The following ADAMTS17 variants were observed in gnomAD, a reference collection of about 807,000 sequenced individuals.
The protein encoded by ADAMTS17 is ADAM metallopeptidase with thrombospondin type 1 motif 17.
ADAMTS17 carries 113 observed loss-of-function variants against 141.5 expected under a neutral mutation model. The ratio of observed to expected loss-of-function variants is 0.80; its 90% CI spans 0.69 to 0.93. The LOEUF (loss-of-function observed/expected upper bound fraction) is 0.93. Among genes scored for constraint, ADAMTS17 ranks in the 40% least tolerant of loss-of-function variants. ADAMTS17 has a pLI of 0.00. For missense variants in ADAMTS17, 1,659 were observed against 1,517.9 expected (o/e 1.09, Z -1.54); for synonymous variants, 768 against 630.6 (o/e 1.22, Z -3.27).
chr15:100,152,446 GTC>G (rs1246202742), intron 10 of ADAMTS17, among the ~76,000 whole-genome samples, 164 bp downstream of exon 10: 1 of 152,188 alleles, frequency 6.6e-6, no homozygotes, highest in Non-Finnish European at 1.5e-5. Context: ...GTTTATGCAT[GTC>G]TCTGTATGCA....
chr15:100,020,430 T>A (rs1378558813), intron 18 of ADAMTS17, among the ~76,000 whole-genome samples: 2 of 152,164 alleles, frequency 1.3e-5, no homozygotes, highest in Non-Finnish European at 2.9e-5. Flanking sequence ...CTGAGCTGGC[T>A]GCCTGGGGCT....
intron 15 of ADAMTS17, among the ~76,000 whole-genome samples, chr15:100,077,195 G>T (rs2034434083): frequency 6.9e-6 from 1 of 144,482 alleles, no homozygotes. Flanking sequence ...TGTAATCCCA[G>T]CAGTTTGGGA....
At position 99,997,415 on chromosome 15, in the gene ADAMTS17, C is replaced by T. The variant is rs376596927; in HGVS notation, c.2766G>A (p.Leu922=). The T allele has an allele frequency of 3.1e-6, 5 of 1,613,676 alleles. No homozygotes were observed. The highest frequency in any genetic ancestry group is 1.7e-5 in the Admixed American group (1 of 60,014). Residue 922 remains leucine, a synonymous_variant, in exon 19 of 22, where the codon CTG becomes CTA. Coordinates refer to ENST00000268070, the MANE Select transcript of ADAMTS17 (RefSeq NM_139057.4). The surrounding 1 kb of genome is among the most constrained non-coding windows in gnomAD (Gnocchi z 4.7). The part of the protein sequence containing the change: ...AVQSCEGQDC[L]SIWEASEWSQ... ...ACCACTCAGACGCCTCCCAGATGGA[C>T]AGGCAGTCCTGGCCTTCACAGCTCT... is the stretch of plus-strand genomic sequence containing the variant.
chr15:100,175,527 C>G (rs1035358629), intron 8 of ADAMTS17, among the ~76,000 whole-genome samples: 1 of 152,106 alleles, frequency 6.6e-6, no homozygotes, highest in African/African-American at 2.4e-5. Flanking sequence ...ACTCTTAATG[C>G]ATAAAGGGAG....
At position 100,197,125 on chromosome 15, in the gene ADAMTS17, C is replaced by T. The variant is rs144276764; in HGVS notation, c.1181+2193G>A. ...GGAGGCCAGTGTTTGATCCGGCACA[C>T]TCGAACAGGTCATCAGGGAGAAAAT... On this transcript the variant is annotated intron_variant, in intron 8 of 21. Coordinates refer to ENST00000268070, the MANE Select transcript of ADAMTS17 (RefSeq NM_139057.4). 5.4e-3 allele frequency among the ~76,000 whole-genome samples: 817 copies of T among 152,300 alleles called. 16 individuals are homozygous for T. The highest frequency in any genetic ancestry group is 0.019 in the African/African-American group (795 of 41,562).
At chr15:100,053,093 C>CA (rs1257908664) in intron 16 of ADAMTS17, among the ~76,000 whole-genome samples, 1 of 152,178 alleles carries the variant, frequency 6.6e-6, no homozygotes, top group Non-Finnish European at 1.5e-5. Flanking sequence ...GCACTGTGGA[C>CA]AAAGCGTGTT....
At chr15:100,064,887 G>C (rs983927619) in intron 15 of ADAMTS17, among the ~76,000 whole-genome samples, 45 of 152,144 alleles carry the variant, frequency 3.0e-4, no homozygotes, top group African/African-American at 9.4e-4. Flanking sequence ...AAGCGTATTA[G>C]GCGTTTGTTT....
chr15:100,254,847 G>A (rs1445778310), intron 6 of ADAMTS17, among the ~76,000 whole-genome samples: 2 of 152,200 alleles, frequency 1.3e-5, no homozygotes, highest in South Asian at 2.1e-4. Context: ...CCAGCCGGGG[G>A]AGGCGGGGTG....
rs1465347598 is a variant in ADAMTS17, at chr15:100,254,195, G to A, written c.1032-16C>T. On this transcript the variant is annotated splice_polypyrimidine_tract_variant and intron_variant, in intron 6 of 21. Coordinates refer to ENST00000268070, the MANE Select transcript of ADAMTS17 (RefSeq NM_139057.4). Reference sequence around the variant, plus strand: ...GAAATCTGTCCTAAAAAATAAAAAAGCCATCATCAGGTATATGCAGTATCC... The same window carrying A: ...GAAATCTGTCCTAAAAAATAAAAAAACCATCATCAGGTATATGCAGTATCC... The A allele has an allele frequency of 1.9e-5, 31 of 1,611,754 alleles. No homozygotes were observed. Among genetic ancestry groups the A allele is most frequent in the Non-Finnish European group, 2.5e-5 (30 of 1,177,986 alleles).
At chr15:100,340,267 C>A (rs546166561) in intron 2 of ADAMTS17, among the ~76,000 whole-genome samples, 1 of 152,202 alleles carries the variant, frequency 6.6e-6, no homozygotes, top group Non-Finnish European at 1.5e-5. Context: ...CAAGAACCCC[C>A]CCTCCCCCTG....
intron 3 of ADAMTS17, among the ~76,000 whole-genome samples, chr15:100,296,791 CA>C (rs917389545): frequency 2.0e-5 from 3 of 152,164 alleles, no homozygotes; most frequent in Non-Finnish European, 4.4e-5. Context: ...CCTTCCTATC[CA>C]TGGTTACAGC....
intron 3 of ADAMTS17, among the ~76,000 whole-genome samples, chr15:100,302,941 T>A (rs1275617781): frequency 6.6e-6 from 1 of 151,910 alleles, no homozygotes; most frequent in East Asian, 1.9e-4. Context: ...CAGCCTACAT[T>A]TTTTCCCATG....
At chr15:100,128,591 G>A (rs1021263993) in intron 12 of ADAMTS17, 2 of 152,218 alleles carry the variant, frequency 1.3e-5, no homozygotes, top group African/African-American at 4.8e-5. Flanking sequence ...CGACTATCAT[G>A]GCGAGGGAGA....
chr15:100,048,354 A>G (rs1391168869), intron 18 of ADAMTS17, among the ~76,000 whole-genome samples: 1 of 152,142 alleles, frequency 6.6e-6, no homozygotes, highest in Non-Finnish European at 1.5e-5. Context: ...GAGAGTCCAC[A>G]AGGGTAACAC....
intron 4 of ADAMTS17, among the ~76,000 whole-genome samples, chr15:100,277,244 G>C (rs557991435): frequency 7.1e-4 from 108 of 152,178 alleles, no homozygotes; most frequent in Non-Finnish European, 1.4e-3. Flanking sequence ...GGGCTCTTGA[G>C]CCACCAGTGT....
chr15:100,285,772 C>G (rs1003106356), intron 3 of ADAMTS17, among the ~76,000 whole-genome samples: 1 of 152,118 alleles, frequency 6.6e-6, no homozygotes, highest in African/African-American at 2.4e-5. Flanking sequence ...TGTGTGGAGC[C>G]CAGAGGGTTT....
intron 3 of ADAMTS17, among the ~76,000 whole-genome samples, chr15:100,294,124 T>C (rs897960302): frequency 6.6e-6 from 1 of 152,210 alleles, no homozygotes; most frequent in African/African-American, 2.4e-5. Context: ...GGGTCAGATA[T>C]ATAACAACAC....
chr15:100,048,756 T>G, intron 18 of ADAMTS17, 101 bp downstream of exon 18: 1 of 1,534,142 alleles, frequency 6.5e-7, no homozygotes, highest in Non-Finnish European at 9.0e-7. Flanking sequence ...GAACACAGCA[T>G]AGAGCAGTAC....
In ADAMTS17 at chr15:100,160,765, T is replaced by C. The variant is rs151233433; in HGVS notation, c.1182-5445A>G. ...GGGATTCTTGGGTTTCTGGAGTTTG[T>C]CTCTAATATAGATCACGCTTGATCT... On this transcript the variant is annotated intron_variant, in intron 8 of 21. Transcript: ENST00000268070. 1.6e-3 allele frequency among the ~76,000 whole-genome samples: 247 copies of C among 152,298 alleles called. 2 individuals are homozygous for C. The Middle Eastern group carries it at 0.017, about 10-fold the overall frequency.
Sources: allele counts gnomAD v4.1 joint callset (sites outside exome capture counted in the v4.1 genomes callset), GRCh38; gene constraint gnomAD v4.1.1; non-coding constraint Gnocchi (gnomAD v3.1); transcripts MANE v1.5; gene names NCBI Gene and HGNC (gene_info 2026-07-23, HGNC 2026-07-21).